Variants in SYNE1 observed in about 807,000 individuals in gnomAD.
SYNE1 encodes nesprin-1.
SYNE1 carries 616 observed loss-of-function variants against 1,111.0 expected under a neutral mutation model. That is an observed-to-expected ratio of 0.55 (90% CI 0.52 to 0.59). The LOEUF (loss-of-function observed/expected upper bound fraction) is 0.59, where lower values mean the gene tolerates loss of function less well. Ranked by LOEUF, SYNE1 falls within the 20% of genes least tolerant of loss-of-function variation. The probability of loss-of-function intolerance (pLI) is 0.00; values close to 1 mark genes in which losing one functional copy is unlikely to be tolerated. For missense variants in SYNE1, 10,006 were observed against 10,417.0 expected, an observed-to-expected ratio of 0.96 and a Z score of 1.72; for synonymous variants, 3,855 against 3,825.8, an observed-to-expected ratio of 1.01 and a Z score of -0.28.
intron 145 of SYNE1, chr6:152,128,729 C>G (rs1218156282): frequency 6.6e-6 from 1 of 152,186 alleles, no homozygotes; most frequent in Non-Finnish European, 1.5e-5. Context: ...CTGCAATAAC[C>G]TTTCCAATTT....
In SYNE1 at chr6:152,256,656, G is replaced by T; in HGVS notation, c.19082C>A (p.Ala6361Asp). Reference sequence around the variant, plus strand: ...TACCTGGGATGAAACCTCCTCGAAGGCTTGGTTCAGTCCATCCAGCAAAGA... The same window carrying T: ...TACCTGGGATGAAACCTCCTCGAAGTCTTGGTTCAGTCCATCCAGCAAAGA... Reference protein sequence around the residue: ...VTSLLDGLNQAFEEVSSQSGG... With the variant: ...VTSLLDGLNQDFEEVSSQSGG... The change falls in exon 102 of 146, where the codon GCC (alanine) becomes GAC (aspartate). Residue 6361 changes from alanine (A) to aspartate (D), a missense_variant. This residue lies in a region of SYNE1 where 2,182 missense variants were observed against 2,287.8 expected (regional missense o/e 0.95). Transcript: ENST00000367255. The T allele has an allele frequency of 3.1e-6, 5 of 1,613,732 alleles. No individual in the cohort carries two copies. Among genetic ancestry groups the T allele is most frequent in the Non-Finnish European group, 4.2e-6 (5 of 1,179,792 alleles).
chr6:152,208,722 C>T (rs1348605078), intron 124 of SYNE1, among the ~76,000 whole-genome samples: 1 of 152,218 alleles, frequency 6.6e-6, no homozygotes, highest in Non-Finnish European at 1.5e-5. Context: ...ACTCCATAAA[C>T]TCTCTCAGTA....
At chr6:152,159,226 G>A (rs2061956920) in intron 131 of SYNE1, among the ~76,000 whole-genome samples, 1 of 152,220 alleles carries the variant, frequency 6.6e-6, no homozygotes, top group Non-Finnish European at 1.5e-5. Context: ...CTGACTTTGT[G>A]TTAGGTAGGC....
At chr6:152,401,609 T>C (rs527471981) in intron 46 of SYNE1, among the ~76,000 whole-genome samples, 1 of 152,260 alleles carries the variant, frequency 6.6e-6, no homozygotes, top group East Asian at 1.9e-4. Context: ...AGGGAAGATG[T>C]GAGAGGGCAT....
chr6:152,522,138 A>G (rs1239527817), intron 5 of SYNE1, among the ~76,000 whole-genome samples: 2 of 152,040 alleles, frequency 1.3e-5, no homozygotes, highest in Non-Finnish European at 2.9e-5. Context: ...TGAAGGAATA[A>G]TATAGTGGTG....
Position 152,436,119 on chromosome 6 carries a change from A to C in SYNE1, c.4150-18T>G, listed in dbSNP as rs1226075007. 6.2e-7 allele frequency: 1 copy of C among 1,613,112 alleles called. No homozygotes were observed. Among genetic ancestry groups the C allele is most frequent in the Admixed American group, 1.7e-5 (1 of 59,878 alleles). ...GAAAACTCCTAGAAAAAATATTATGATCATTAGGTAGGCACTTTATATTAT... is the reference window on the plus strand; with the variant it reads ...GAAAACTCCTAGAAAAAATATTATGCTCATTAGGTAGGCACTTTATATTAT... On this transcript the variant is annotated intron_variant, in intron 32 of 145. Transcript: ENST00000367255.
chr6:152,265,207 G>GAA (rs36042696), intron 100 of SYNE1, among the ~76,000 whole-genome samples: 193 of 87,822 alleles, frequency 2.2e-3, no homozygotes, highest in East Asian at 5.7e-3. Flanking sequence ...CTCTGTCTCA[G>GAA]AAAAAAAAAA....
rs529128576 is a variant in SYNE1, at chr6:152,238,469, C to T, written c.20067+1064G>A. On this transcript the variant is annotated intron_variant, in intron 108 of 145. Coordinates refer to ENST00000367255, the MANE Select transcript of SYNE1 (RefSeq NM_182961.4). ...AGTGTAACTATTATTACAGAGATTT[C>T]AAACGTTAAAGGTAGATGTCTCTCC... is the stretch of plus-strand genomic sequence containing the variant. Among the ~76,000 whole-genome samples, 5 of 152,236 alleles carry T rather than the reference C, an allele frequency of 3.3e-5. No homozygotes were observed. In the South Asian group the frequency reaches 8.3e-4, roughly 25 times the overall value.
At chr6:152,629,522 C>CGGGGGGGGGGGGGG (rs766614719) in intron 2 of SYNE1, among the ~76,000 whole-genome samples, 6 of 6,134 alleles carry the variant, frequency 9.8e-4, no homozygotes, top group Admixed American at 3.0e-3. Flanking sequence ...GTTTCATTGC[C>CGGGGGGGGGGGGGG]GGGGGGGGGG....
chr6:152,353,618 T>C lies in SYNE1; in HGVS notation c.11053A>G (p.Arg3685Gly), dbSNP rs1029776716. ...MGCQATQLTSRYQALLLQVLE... is the reference protein window; with the variant it reads ...MGCQATQLTSGYQALLLQVLE... The stretch of plus-strand genomic sequence containing the variant: ...ACTTGGAGAAGCAGGGCCTGGTATC[T>C]GGAAGTCAGCTGGGTGGCCTGGCAA... Residue 3685 changes from arginine (R) to glycine (G), a missense_variant, in exon 68 of 146, where the codon AGA becomes GGA. By Grantham distance (125) the Arg-to-Gly change is moderately radical. Coordinates refer to ENST00000367255, the MANE Select transcript of SYNE1 (RefSeq NM_182961.4). 2 of 1,614,226 alleles carry C rather than the reference T, an allele frequency of 1.2e-6. No individual in the cohort carries two copies. Among genetic ancestry groups the C allele is most frequent in the Admixed American group, 1.7e-5 (1 of 60,024 alleles).
intron 14 of SYNE1, among the ~76,000 whole-genome samples, chr6:152,477,255 C>G (rs761432579): frequency 7.9e-5 from 12 of 151,752 alleles, no homozygotes; most frequent in Non-Finnish European, 1.8e-4. Flanking sequence ...ATGATTAAAA[C>G]TGGTAACAGT....
intron 93 of SYNE1, among the ~76,000 whole-genome samples, chr6:152,295,610 T>TGTG (rs2094833523): frequency 6.6e-6 from 1 of 150,396 alleles, no homozygotes; most frequent in Non-Finnish European, 1.5e-5. Flanking sequence ...TGTGTGTGTG[T>TGTG]TACTGACACA....
Position 152,148,740 on chromosome 6 carries a change from G to A in SYNE1, c.24643-362C>T, listed in dbSNP as rs2059924769. ...ATCCTACATAAGCCTCAGTTTCATT[G>A]TTGGTAAAATGGGAATAACATTAAA... On this transcript the variant is annotated intron_variant, in intron 136 of 145. Coordinates refer to ENST00000367255, the MANE Select transcript of SYNE1 (RefSeq NM_182961.4). The surrounding 1 kb of genome is among the most constrained non-coding windows in gnomAD (Gnocchi z 4.1). Among the ~76,000 whole-genome samples the A allele has an allele frequency of 6.6e-6, 1 of 150,804 alleles. No homozygotes were observed. The highest frequency in any genetic ancestry group is 6.6e-5 in the Admixed American group (1 of 15,136).
At chr6:152,252,127 G>T (rs2089496316) in intron 104 of SYNE1, among the ~76,000 whole-genome samples, 1 of 151,946 alleles carries the variant, frequency 6.6e-6, no homozygotes, top group South Asian at 2.1e-4. Context: ...ACAAAAATTA[G>T]CTGGGCATGG....
At chr6:152,584,032 G>A (rs2099529205) in intron 3 of SYNE1, among the ~76,000 whole-genome samples, 1 of 152,226 alleles carries the variant, frequency 6.6e-6, no homozygotes, top group Non-Finnish European at 1.5e-5. Context: ...ATGAACAGAA[G>A]CTCTGGTACC....
chr6:152,216,007 C>A (rs935964126), intron 121 of SYNE1, among the ~76,000 whole-genome samples: 1 of 152,190 alleles, frequency 6.6e-6, no homozygotes, highest in Non-Finnish European at 1.5e-5. Flanking sequence ...TCCCTCCCTT[C>A]AAACACAGGA....
chr6:152,202,087 G>T, intron 126 of SYNE1, 138 bp from the exon 127 acceptor site: 1 of 1,157,330 alleles, frequency 8.6e-7, no homozygotes. Context: ...TGGCTCACGC[G>T]TGTAATCCCA....
chr6:152,345,821 C>T (rs1418482201), intron 73 of SYNE1, among the ~76,000 whole-genome samples: 1 of 152,070 alleles, frequency 6.6e-6, no homozygotes, highest in African/African-American at 2.4e-5. Flanking sequence ...TTAAAATAGC[C>T]ATTCTTACCC....
chr6:152,213,553 A>G (rs778278058), intron 123 of SYNE1, 59 bp downstream of exon 123: 1 of 1,579,090 alleles, frequency 6.3e-7, no homozygotes. Flanking sequence ...AGCATTTCGT[A>G]GCATCTTCTA....
Sources: allele counts gnomAD v4.1 joint callset (sites outside exome capture counted in the v4.1 genomes callset), GRCh38; gene constraint gnomAD v4.1.1; regional missense constraint gnomAD v4.1.1; non-coding constraint Gnocchi (gnomAD v3.1); transcripts MANE v1.5; gene names NCBI Gene and HGNC (gene_info 2026-07-23, HGNC 2026-07-21).